The following TFCP2 variants were observed in gnomAD, a reference collection of about 807,000 sequenced individuals.
The protein encoded by TFCP2 is transcription factor CP2.
TFCP2 carries 33 observed loss-of-function variants against 73.4 expected under a neutral mutation model. The ratio of observed to expected loss-of-function variants is 0.45; its 90% CI spans 0.34 to 0.60. The LOEUF is 0.60. TFCP2 is among the 20% of genes least tolerant of loss of function. The probability of loss-of-function intolerance (pLI) is 0.01; values close to 1 mark genes in which losing one functional copy is unlikely to be tolerated. For synonymous variants in TFCP2, 193 were observed against 211.6 expected (o/e 0.91, Z 0.76); for missense variants, 352 against 604.0 (o/e 0.58, Z 4.37).
At chr12:51,103,470 GTTTGTT>G (rs1367568574) in intron 10 of TFCP2, among the ~76,000 whole-genome samples, 194 bp downstream of exon 10, 1 of 152,154 alleles carries the variant, frequency 6.6e-6, no homozygotes, top group African/African-American at 2.4e-5. Flanking sequence ...ACTAAAAAGT[GTTTGTT>G]TTTAAGTATT....
At chr12:51,120,486 AC>A (rs1940641099) in intron 1 of TFCP2, among the ~76,000 whole-genome samples, 1 of 152,160 alleles carries the variant, frequency 6.6e-6, no homozygotes, top group African/African-American at 2.4e-5. Context: ...ATATAAGGGA[AC>A]TTTGTAGGGA....
chr12:51,144,735 A>T (rs191788024), intron 1 of TFCP2, among the ~76,000 whole-genome samples: 104 of 152,332 alleles, frequency 6.8e-4, no homozygotes, highest in Non-Finnish European at 1.2e-4. Context: ...ACAATACAGG[A>T]GAATATCTTG....
intron 1 of TFCP2, among the ~76,000 whole-genome samples, chr12:51,132,439 G>A (rs1444051868): frequency 1.5e-5 from 2 of 130,106 alleles, no homozygotes; most frequent in African/African-American, 5.6e-5. Flanking sequence ...TGCCATCTCG[G>A]CTCACTGGAA....
At chr12:51,098,625 A>G in intron 13 of TFCP2, 151 bp downstream of exon 13, 1 of 723,488 alleles carries the variant, frequency 1.4e-6, no homozygotes, top group South Asian at 2.7e-5. Flanking sequence ...GACTGTTTCA[A>G]AAAAAAAAAA....
chr12:51,148,262 G>C (rs1941341152), intron 1 of TFCP2, among the ~76,000 whole-genome samples: 1 of 152,306 alleles, frequency 6.6e-6, no homozygotes, highest in South Asian at 2.1e-4. Flanking sequence ...TCTACCATTT[G>C]ATCCAGCAAT....
At chr12:51,110,308 C>T (rs1940368179) in intron 5 of TFCP2, among the ~76,000 whole-genome samples, 1 of 152,100 alleles carries the variant, frequency 6.6e-6, no homozygotes, top group Non-Finnish European at 1.5e-5. Context: ...GTGGCTCACA[C>T]CTATAATCCC....
chr12:51,159,790 A>G (rs572591240), intron 1 of TFCP2, among the ~76,000 whole-genome samples: 4 of 152,084 alleles, frequency 2.6e-5, no homozygotes, highest in African/African-American at 9.7e-5. Flanking sequence ...CAGATTCCTC[A>G]TATTTGGAAG....
rs909794645 is a variant in TFCP2 at position 51,093,936 on chromosome 12, A to G, written c.*1305T>C. 1.3e-5 allele frequency: 2 copies of G among 151,968 alleles called. No individual in the cohort carries two copies. The highest frequency in any genetic ancestry group is 4.8e-5 in the African/African-American group (2 of 41,364). 9.4% of individuals were successfully genotyped at this position (151,968 alleles called of 1,614,324 possible). ...ATAACCTGTAAAAGTATTTCTAGAT[A>G]AAACTTTACAAGTGAAGAAAGAAAA... On this transcript the variant is annotated 3_prime_UTR_variant, in exon 15 of 15. Coordinates refer to ENST00000257915, the MANE Select transcript of TFCP2 (RefSeq NM_005653.5).
intron 1 of TFCP2, among the ~76,000 whole-genome samples, chr12:51,167,440 T>G (rs543497527): frequency 7.2e-5 from 11 of 152,220 alleles, no homozygotes; most frequent in African/African-American, 2.6e-4. Flanking sequence ...TCCCCTAGGC[T>G]GGAGTGCAGT....
At position 51,128,466 on chromosome 12, in the gene TFCP2, AAAGTAT is replaced by A. The variant is rs910124062; in HGVS notation, c.123-9700_123-9695del. Among the ~76,000 whole-genome samples the A allele has an allele frequency of 3.9e-5, 5 of 126,626 alleles. 1 individual carries two copies. Among genetic ancestry groups the A allele is most frequent in the African/African-American group, 1.5e-4 (5 of 33,214 alleles). 83.1% of individuals were successfully genotyped at this position (126,626 alleles called of 152,430 possible). On this transcript the variant is annotated intron_variant, in intron 1 of 14. Transcript: ENST00000257915. Reference sequence around the variant, plus strand: ...ATTGTGCACATGTACCCTAAAACTTAAAGTATAATAATAAAAAAAAAAAAAACAAAA... The same window carrying A: ...ATTGTGCACATGTACCCTAAAACTTAAATAATAAAAAAAAAAAAAACAAAA...
At chr12:51,163,447 G>C (rs1941691504) in intron 1 of TFCP2, among the ~76,000 whole-genome samples, 1 of 152,088 alleles carries the variant, frequency 6.6e-6, no homozygotes, top group African/African-American at 2.4e-5. Context: ...AAAATTAGCT[G>C]GGTGTGGTGG....
intron 7 of TFCP2, chr12:51,106,835 G>T: frequency 2.0e-6 from 1 of 508,894 alleles, no homozygotes; most frequent in Non-Finnish European, 3.5e-6. Flanking sequence ...AGAAAACTAC[G>T]GTCCCAGGCC....
chr12:51,171,370 T>TTTTTG (rs1425548308), intron 1 of TFCP2, among the ~76,000 whole-genome samples: 4 of 151,392 alleles, frequency 2.6e-5, no homozygotes, highest in African/African-American at 9.7e-5. Context: ...TTCAAAGGAG[T>TTTTTG]TTTTGTTTTG....
At chr12:51,136,488 G>A (rs924189811) in intron 1 of TFCP2, among the ~76,000 whole-genome samples, 3 of 152,000 alleles carry the variant, frequency 2.0e-5, no homozygotes, top group Admixed American at 1.3e-4. Flanking sequence ...TGATAATAAA[G>A]GAATTATTTT....
intron 1 of TFCP2, among the ~76,000 whole-genome samples, chr12:51,169,154 T>C (rs1292851338): frequency 6.6e-6 from 1 of 152,168 alleles, no homozygotes; most frequent in Non-Finnish European, 1.5e-5. Context: ...ATACTAAAAT[T>C]TGAAGACCAA....
chr12:51,160,789 T>A (rs1941631291), intron 1 of TFCP2, among the ~76,000 whole-genome samples: 1 of 152,182 alleles, frequency 6.6e-6, no homozygotes, highest in South Asian at 2.1e-4. Flanking sequence ...TTGGTAAATT[T>A]TAGTGAATTT....
At chr12:51,115,182 T>C (rs1940503008) in intron 4 of TFCP2, among the ~76,000 whole-genome samples, 1 of 129,898 alleles carries the variant, frequency 7.7e-6, no homozygotes, top group Admixed American at 8.9e-5. Context: ...TGCAGTGGCG[T>C]GGTCTTGGCT....
chr12:51,134,662 T>TTTACA, intron 1 of TFCP2, among the ~76,000 whole-genome samples: 3 of 152,366 alleles, frequency 2.0e-5, no homozygotes, highest in Middle Eastern at 6.8e-3. Flanking sequence ...TCTAGTCTTT[T>TTTACA]GTGCCCCTTA....
chr12:51,103,913 A>C (rs1382985422), intron 9 of TFCP2, 150 bp from the exon 10 acceptor site: 1 of 716,574 alleles, frequency 1.4e-6, no homozygotes, highest in African/African-American at 1.8e-5. Flanking sequence ...AAGATGCTCA[A>C]GGAGTTCCAT....
Sources: allele counts gnomAD v4.1 joint callset (sites outside exome capture counted in the v4.1 genomes callset), GRCh38; gene constraint gnomAD v4.1.1; transcripts MANE v1.5; gene names NCBI Gene and HGNC (gene_info 2026-07-23, HGNC 2026-07-21).